The following ITPR2 variants were observed in gnomAD, a reference collection of about 807,000 sequenced individuals.
The protein encoded by ITPR2 is inositol 1,4,5-trisphosphate receptor type 2.
Under a neutral mutation model 317.1 loss-of-function variants are expected in ITPR2, and 207 were observed. The ratio of observed to expected loss-of-function variants is 0.65; its 90% confidence interval spans 0.58 to 0.73. The LOEUF (loss-of-function observed/expected upper bound fraction) is 0.73, where lower values mean the gene tolerates loss of function less well. Among genes scored for constraint, ITPR2 ranks in the 30% least tolerant of loss-of-function variants. The pLI, the probability that ITPR2 is intolerant of heterozygous loss-of-function variation, is 0.00. For missense variants in ITPR2, 2,613 were observed against 3,284.0 expected (o/e 0.80, Z 4.99); for synonymous variants, 1,156 against 1,149.1 (o/e 1.01, Z -0.12).
intron 2 of ITPR2, among the ~76,000 whole-genome samples, chr12:26,737,382 A>C (rs529296986): frequency 6.6e-6 from 1 of 152,034 alleles, no homozygotes; most frequent in South Asian, 2.1e-4. Flanking sequence ...CAGCCTCCTG[A>C]GTAGCTGGGA....
At chr12:26,524,215 AAGG>A (rs1167792346) in intron 37 of ITPR2, among the ~76,000 whole-genome samples, 3 of 152,234 alleles carry the variant, frequency 2.0e-5, no homozygotes. Flanking sequence ...TGCCATTTCA[AAGG>A]AGTTTTCAAA....
At chr12:26,481,265 A>C (rs764543673) in intron 42 of ITPR2, 24 bp from the exon 43 acceptor site, 9 of 1,322,474 alleles carry the variant, frequency 6.8e-6, no homozygotes, top group African/African-American at 1.5e-5. Flanking sequence ...TATTTGTAAA[A>C]TATCATTTTA....
chr12:26,563,193 C>G lies in ITPR2; in HGVS notation c.4631-1241G>C, dbSNP rs528558110. On this transcript the variant is annotated intron_variant, in intron 34 of 56. Transcript: ENST00000381340. ...TCTCTCAAGAAAGTAGAATACCTGA[C>G]TGGACAGAATGCCAAATGCAGGTGT... Among the ~76,000 whole-genome samples the G allele has an allele frequency of 1.1e-4, 16 of 152,304 alleles. 1 individual carries two copies. The South Asian group carries it at 3.1e-3, about 30-fold the overall frequency.
At chr12:26,784,262 T>C (rs1274262250) in intron 2 of ITPR2, among the ~76,000 whole-genome samples, 2 of 7,304 alleles carry the variant, frequency 2.7e-4, no homozygotes, top group African/African-American at 9.3e-4. Context: ...AGAATCTCCC[T>C]CTCCCTCTCC....
chr12:26,681,761 G>A, intron 13 of ITPR2, 113 bp downstream of exon 13: 1 of 677,246 alleles, frequency 1.5e-6, no homozygotes, highest in Non-Finnish European at 2.4e-6. Context: ...TCAGAAGCAA[G>A]TGTGCTATCG....
At chr12:26,612,207 CT>C (rs1277111555) in intron 26 of ITPR2, among the ~76,000 whole-genome samples, 10 of 151,928 alleles carry the variant, frequency 6.6e-5, no homozygotes, top group Admixed American at 1.3e-4. Flanking sequence ...AGGGAAAAAA[CT>C]TTTTTTCCCC....
At chr12:26,609,275 G>T (rs1163691568) in intron 26 of ITPR2, among the ~76,000 whole-genome samples, 1 of 152,048 alleles carries the variant, frequency 6.6e-6, no homozygotes, top group Non-Finnish European at 1.5e-5. Flanking sequence ...AAACCATATG[G>T]GTACATAGAA....
intron 49 of ITPR2, 87 bp downstream of exon 49, chr12:26,427,826 T>C (rs1941106199): frequency 3.6e-6 from 3 of 837,126 alleles, no homozygotes; most frequent in Non-Finnish European, 3.3e-6. Flanking sequence ...CATGCATACA[T>C]GAATTAAAAG....
intron 52 of ITPR2, among the ~76,000 whole-genome samples, chr12:26,402,287 T>C (rs1940203244): frequency 6.6e-6 from 1 of 152,246 alleles, no homozygotes; most frequent in African/African-American, 2.4e-5. Context: ...GGAGCATGTC[T>C]ACATGCTACT....
intron 34 of ITPR2, among the ~76,000 whole-genome samples, chr12:26,565,893 A>G (rs187922540): frequency 0.02 from 218 of 11,034 alleles, no homozygotes; most frequent in Non-Finnish European, 0.037. Flanking sequence ...GGAGGGGAGG[A>G]GAGGAGAGGG....
chr12:26,751,253 G>T (rs1949409952), intron 2 of ITPR2, among the ~76,000 whole-genome samples: 1 of 151,548 alleles, frequency 6.6e-6, no homozygotes. Context: ...TTTTCTGATG[G>T]GACATATGAT....
chr12:26,694,411 C>T (rs893764551), intron 10 of ITPR2, among the ~76,000 whole-genome samples: 1 of 152,122 alleles, frequency 6.6e-6, no homozygotes, highest in African/African-American at 2.4e-5. Flanking sequence ...ACATTCTCTC[C>T]ACAGCAAAGC....
Position 26,722,506 on chromosome 12 carries a change from G to A in ITPR2, c.416C>T (p.Pro139Leu). The A allele has an allele frequency of 6.2e-7, 1 of 1,612,988 alleles. No individual in the cohort carries two copies. Among genetic ancestry groups the A allele is most frequent in the Non-Finnish European group, 8.5e-7 (1 of 1,179,280 alleles). ...NKYLTVNKRL[P>L]ALLEKNAMRV... is the part of the protein sequence containing the mutation. The stretch of plus-strand genomic sequence containing the variant: ...CATGGCATTCTTCTCCAGTAAAGCA[G>A]GTAATCTCTTGTTGACAGTAAGATA... Residue 139 changes from proline to leucine, a missense_variant, in exon 5 of 57, where the codon CCT becomes CTT. This residue lies in a region of ITPR2 where 515 missense variants were observed against 789.4 expected (regional missense o/e 0.65). Transcript: ENST00000381340.
chr12:26,478,841 C>T (rs1380347370), intron 43 of ITPR2, among the ~76,000 whole-genome samples: 167 of 151,896 alleles, frequency 1.1e-3, no homozygotes, highest in Middle Eastern at 3.4e-3. Flanking sequence ...TAAAGGACAA[C>T]AAATATGAAA....
chr12:26,516,275 GGGAAGGGAAGGGAAAGGAAAGGAAA>G (rs1943502234), intron 37 of ITPR2, among the ~76,000 whole-genome samples: 18 of 37,802 alleles, frequency 4.8e-4, no homozygotes, highest in South Asian at 1.0e-3. Flanking sequence ...AGGAAAGGAA[GGGAAGGGAAGGGAAAGGAAAGGAAA>G]GGAAAGGAAA....
chr12:26,602,152 C>T (rs1323357149), intron 28 of ITPR2, among the ~76,000 whole-genome samples: 2 of 151,128 alleles, frequency 1.3e-5, no homozygotes, highest in African/African-American at 4.9e-5. Flanking sequence ...CAGTAAAGTG[C>T]CTTGCTCTTT....
At chr12:26,721,082 C>T (rs1236168076) in intron 5 of ITPR2, among the ~76,000 whole-genome samples, 3 of 152,050 alleles carry the variant, frequency 2.0e-5, no homozygotes, top group African/African-American at 7.2e-5. Flanking sequence ...ACAGGTTGTT[C>T]ATAAACTACA....
In ITPR2 at chr12:26,654,075, C is replaced by T; in HGVS notation, c.2641G>A (p.Glu881Lys). 8 of 1,449,342 alleles carry T rather than the reference C, an allele frequency of 5.5e-6. No individual in the cohort carries two copies. The highest frequency in any genetic ancestry group is 7.4e-6 in the Non-Finnish European group (8 of 1,084,524). 89.8% of individuals were successfully genotyped at this position (1,449,342 alleles called of 1,614,324 possible). A position where few individuals can be genotyped will look rare whatever the true frequency, so the allele number is the denominator to read the frequency against. The stretch of plus-strand genomic sequence containing the variant: ...AGTGTTCTTGTTAGCCTTAATAACT[C>T]ACTGAAACTATAAAATCCAAAGTAT... ...LIYFGFYSFS[E>K]LLRLTRTLLA... The change falls in exon 21 of 57, where the codon GAG becomes AAG. Residue 881 changes from glutamate (E) to lysine (K), a missense_variant. Transcript: ENST00000381340.
intron 26 of ITPR2, among the ~76,000 whole-genome samples, chr12:26,615,869 A>T (rs1591964593): frequency 6.6e-6 from 1 of 152,136 alleles, no homozygotes; most frequent in East Asian, 1.9e-4. Flanking sequence ...TAAAAATATT[A>T]TTAAATATAG....
Sources: gnomAD v4.1 joint callset for allele counts (sites outside exome capture counted in the v4.1 genomes callset) on GRCh38, gnomAD v4.1.1 for gene constraint, gnomAD v4.1.1 regional missense constraint, MANE v1.5 for transcripts, NCBI Gene and HGNC (gene_info 2026-07-23, HGNC 2026-07-21) for gene names.